FKBP15: variants seen among roughly 807,000 people sequenced by gnomAD.
FKBP15 encodes FKBP prolyl isomerase family member 15, also known as FK506-binding protein 15.
Under a neutral mutation model 158.1 loss-of-function variants are expected in FKBP15, and 106 were observed. The observed-to-expected ratio is 0.67, with a 90% CI of 0.57 to 0.79. FKBP15 has a LOEUF of 0.79. Among genes scored for constraint, FKBP15 ranks in the 30% least tolerant of loss-of-function variants. The pLI is 0.00. For synonymous variants in FKBP15, 547 were observed against 548.6 expected (o/e 1.00, Z 0.04); for missense variants, 1,287 against 1,479.1 (o/e 0.87, Z 2.13).
At position 113,187,882 on chromosome 9, in the gene FKBP15, T is replaced by C; in HGVS notation, c.1294A>G (p.Thr432Ala). 1 of 1,613,736 alleles carries C rather than the reference T, an allele frequency of 6.2e-7. No homozygotes were observed. The part of the protein sequence containing the change: ...MTSQAPQPSV[T>A]GLQAPSAALM... ...GCAGCAGAAGGTGCCTGGAGCCCAG[T>C]AACAGATGGCTGAGGTGCTAAGATA... Residue 432 changes from threonine (T) to alanine (A), a missense_variant, in exon 14 of 28, where the codon ACT (threonine) becomes GCT (alanine). By Grantham distance (58) the Thr-to-Ala change is moderately conservative. Coordinates refer to ENST00000238256, the MANE Select transcript of FKBP15 (RefSeq NM_015258.2).
chr9:113,210,108 T>C (rs916072913), intron 2 of FKBP15, among the ~76,000 whole-genome samples: 4 of 152,138 alleles, frequency 2.6e-5, no homozygotes, highest in Admixed American at 2.0e-4. Flanking sequence ...GGTGTCCATA[T>C]GGGGCAGAAG....
chr9:113,202,554 C>T lies in FKBP15; in HGVS notation c.475G>A (p.Ala159Thr). ...ACCTGCTTATTGAACTCCACAGCAG[C>T]CTTTTCCGACTCAAACATGATGGAC... Reference protein sequence around the residue: ...NWSIMFESEKAAVEFNKQVCI... With the variant: ...NWSIMFESEKTAVEFNKQVCI... Residue 159 changes from alanine (A) to threonine (T), a missense_variant, in exon 6 of 28, where the codon GCT becomes ACT. Ala to Thr is a moderately conservative substitution (Grantham distance 58). Coordinates refer to ENST00000238256, the MANE Select transcript of FKBP15 (RefSeq NM_015258.2). The T allele has an allele frequency of 6.3e-7, 1 of 1,582,588 alleles. No homozygotes were observed. Among genetic ancestry groups the T allele is most frequent in the Non-Finnish European group, 8.6e-7 (1 of 1,163,098 alleles).
chr9:113,197,580 A>G (rs1830711670), intron 8 of FKBP15, among the ~76,000 whole-genome samples: 1 of 152,126 alleles, frequency 6.6e-6, no homozygotes, highest in Admixed American at 6.5e-5. Context: ...GAGGCAGGAG[A>G]ATCGCTTGAA....
chr9:113,171,935 G>A (rs1167388543), intron 23 of FKBP15, among the ~76,000 whole-genome samples: 1 of 151,784 alleles, frequency 6.6e-6, no homozygotes, highest in Admixed American at 6.6e-5. Context: ...TGCCATGTTG[G>A]TGTGCTGCAC....
chr9:113,186,212 G>T, intron 15 of FKBP15, 37 bp downstream of exon 15: 1 of 1,413,790 alleles, frequency 7.1e-7, no homozygotes, highest in South Asian at 1.2e-5. Flanking sequence ...AGCACAGCAA[G>T]AGCGGAAGAT....
intron 5 of FKBP15, 89 bp downstream of exon 5, chr9:113,202,872 G>C: frequency 1.8e-6 from 2 of 1,085,020 alleles, no homozygotes; most frequent in Non-Finnish European, 1.4e-6. Context: ...TGAACCAGTG[G>C]ATCTAATTTC....
chr9:113,206,962 G>A (rs1318104753), intron 3 of FKBP15: 4 of 465,930 alleles, frequency 8.6e-6, no homozygotes, highest in African/African-American at 2.0e-5. Context: ...TATCTCAGTG[G>A]AGAGGCTTTC....
At chr9:113,209,687 C>T (rs769061233) in intron 2 of FKBP15, among the ~76,000 whole-genome samples, 1 of 152,182 alleles carries the variant, frequency 6.6e-6, no homozygotes, top group Non-Finnish European at 1.5e-5. Context: ...CCAATTTTAG[C>T]CAGCATGATA....
intron 6 of FKBP15, 147 bp downstream of exon 6, chr9:113,202,384 T>C (rs12380325): frequency 0.31 from 153,746 of 494,874 alleles, 24,531 homozygotes; most frequent in Admixed American, 0.32. Flanking sequence ...AATCATACAA[T>C]AGGCCGAAGT....
At position 113,168,514 on chromosome 9, in the gene FKBP15, A is replaced by G. The variant is rs199498860; in HGVS notation, c.3528T>C (p.Thr1176=). The change falls in exon 27 of 28, where the codon ACT becomes ACC. Residue 1176 remains threonine (T), a synonymous_variant. Transcript: ENST00000238256. ...DEEDELFKGA[T]LKALRPKAQP... ...GTGCTTTGGGCCTCAGAGCTTTCAG[A>G]GTTGCCCCTTTAAACAGTTCATCCT... 45 of 1,613,972 alleles carry G rather than the reference A, an allele frequency of 2.8e-5. No individual in the cohort carries two copies. The Admixed American group carries it at 7.5e-4, about 27-fold the overall frequency.
intron 1 of FKBP15, among the ~76,000 whole-genome samples, chr9:113,214,091 C>T (rs1831071881): frequency 6.6e-6 from 1 of 152,154 alleles, no homozygotes; most frequent in Non-Finnish European, 1.5e-5. Context: ...CACCACCACA[C>T]TCTAGGGATT....
At position 113,165,997 on chromosome 9, in the gene FKBP15, C is replaced by T. The variant is rs1354089077; in HGVS notation, c.*81G>A. The stretch of plus-strand genomic sequence containing the variant: ...CTCACCTTGACCTCACCCTGTGGTT[C>T]GCCTAGACCCAGGGTTGGCTGTGCA... On this transcript the variant is annotated 3_prime_UTR_variant, in exon 28 of 28. Transcript: ENST00000238256. 9 of 1,374,780 alleles carry T rather than the reference C, an allele frequency of 6.5e-6. No individual in the cohort carries two copies. The highest frequency in any genetic ancestry group is 1.3e-5 in the South Asian group (1 of 79,082). The allele number at this position is 1,374,780 out of a possible 1,614,324, so 85.2% of individuals were successfully genotyped here.
intron 1 of FKBP15, among the ~76,000 whole-genome samples, chr9:113,215,786 A>G (rs939174478): frequency 6.6e-6 from 1 of 150,478 alleles, no homozygotes; most frequent in African/African-American, 2.4e-5. Context: ...AATTGCTAGG[A>G]TTACAGGCGT....
chr9:113,170,561 A>G lies in FKBP15; in HGVS notation c.2727T>C (p.Asn909=), dbSNP rs202013187. ...TGATGGTTCCCAGAATGGTCCTGCCATTGTAAGATTCCTCCAGCTCAAACT... is the reference window on the plus strand; with the variant it reads ...TGATGGTTCCCAGAATGGTCCTGCCGTTGTAAGATTCCTCCAGCTCAAACT... ...RREFELEESY[N]GRTILGTIMN... The change falls in exon 25 of 28, where the codon AAT becomes AAC. Residue 909 remains asparagine, a synonymous_variant. Coordinates refer to ENST00000238256, the MANE Select transcript of FKBP15 (RefSeq NM_015258.2). 4.8e-5 allele frequency: 78 copies of G among 1,613,930 alleles called. No homozygotes were observed. The African/African-American group carries it at 9.1e-4, about 19-fold the overall frequency.
In FKBP15 at chr9:113,166,040, G is replaced by T. The variant is rs559862543; in HGVS notation, c.*38C>A. 7.6e-6 allele frequency: 12 copies of T among 1,584,684 alleles called. No individual in the cohort carries two copies. In the South Asian group the frequency reaches 1.3e-4, roughly 17 times the overall value. ...GCTGTGCAAAATCATGCTTAGGGAA[G>T]GGTTGCAGAGAAACCTTTGCACCAG... On this transcript the variant is annotated 3_prime_UTR_variant, in exon 28 of 28. Transcript: ENST00000238256.
chr9:113,217,847 A>T (rs1831170933), intron 1 of FKBP15, among the ~76,000 whole-genome samples: 1 of 152,128 alleles, frequency 6.6e-6, no homozygotes, highest in Admixed American at 6.5e-5. Flanking sequence ...TCTCAAAAAA[A>T]TAAATAAATA....
intron 6 of FKBP15, among the ~76,000 whole-genome samples, chr9:113,201,079 A>C (rs1830781525): frequency 6.6e-6 from 1 of 150,720 alleles, no homozygotes; most frequent in Admixed American, 6.7e-5. Context: ...TATTGTAATC[A>C]AATAAAAACA....
intron 26 of FKBP15, among the ~76,000 whole-genome samples, chr9:113,168,999 ACACTACCGCAGGG>A (rs1336282701): frequency 3.4e-5 from 5 of 149,022 alleles, no homozygotes; most frequent in African/African-American, 1.3e-4. Flanking sequence ...AGTGCCCGCC[ACACTACCGCAGGG>A]CCCGCCACAC....
chr9:113,193,671 ATTTTAACTCTTC>A (rs1385071756), intron 10 of FKBP15, 122 bp from the exon 11 acceptor site: 1 of 787,834 alleles, frequency 1.3e-6, no homozygotes, highest in Non-Finnish European at 2.1e-6. Flanking sequence ...GTAAAACAGA[ATTTTAACTCTTC>A]TTTAGTTTGC....
Sources: allele counts gnomAD v4.1 joint callset (sites outside exome capture counted in the v4.1 genomes callset), GRCh38; gene constraint gnomAD v4.1.1; transcripts MANE v1.5; gene names NCBI Gene and HGNC (gene_info 2026-07-23, HGNC 2026-07-21).